The following PLIN2 variants were observed in gnomAD, a reference collection of about 807,000 sequenced individuals.
PLIN2 encodes perilipin 2, also known as perilipin-2.
In PLIN2, 33 loss-of-function variants were observed where a neutral mutation model predicts 30.6. That is an observed-to-expected ratio of 1.08 (90% CI 0.82 to 1.44). PLIN2 has a LOEUF of 1.44. Among genes scored for constraint, PLIN2 ranks in the 40% most tolerant of loss-of-function variants. The pLI, the probability that PLIN2 is intolerant of heterozygous loss-of-function variation, is 0.00. For synonymous variants in PLIN2, 205 were observed against 201.1 expected, an observed-to-expected ratio of 1.02 and a Z score of -0.16; for missense variants, 610 against 531.8, an observed-to-expected ratio of 1.15 and a Z score of -1.45.
downstream of PLIN2, among the ~76,000 whole-genome samples, chr9:19,112,705 CAA>C (rs34857189): frequency 1.1e-3 from 77 of 68,586 alleles, no homozygotes; most frequent in African/African-American, 1.8e-3. Context: ...GAGCCCATCT[CAA>C]AAAAAAAAAA....
chr9:19,126,278 A>C lies in PLIN2; in HGVS notation c.62T>G (p.Leu21Trp). 1.9e-6 allele frequency: 3 copies of C among 1,614,128 alleles called. No homozygotes were observed. Among genetic ancestry groups the C allele is most frequent in the Middle Eastern group, 1.6e-4 (1 of 6,062 alleles). ...SVVTRVVNLP[L>W]VSSTYDLMSS... ...CATGAGGTCATACGTGGAGCTCACC[A>C]AGGGCAGGTTGACCACCCGAGTCAC... Residue 21 changes from leucine to tryptophan, a missense_variant, in exon 3 of 8, where the codon TTG (leucine) becomes TGG (tryptophan). Transcript: ENST00000276914.
Position 19,126,459 on chromosome 9 carries a change from G to C in PLIN2, c.-22-11C>G. 6.4e-7 allele frequency: 1 copy of C among 1,555,948 alleles called. No homozygotes were observed. Among genetic ancestry groups the C allele is most frequent in the Non-Finnish European group, 8.9e-7 (1 of 1,128,622 alleles). ...CCTGGAGAAAGAAATCTGCAGAAAA[G>C]AGACTTATTTCAGAACACCGGGATA... On this transcript the variant is annotated splice_polypyrimidine_tract_variant and intron_variant, in intron 1 of 7. Transcript: ENST00000276914.
chr9:19,118,134 T>C (rs1200983300), intron 7 of PLIN2, among the ~76,000 whole-genome samples, 187 bp downstream of exon 7: 1 of 152,198 alleles, frequency 6.6e-6, no homozygotes, highest in African/African-American at 2.4e-5. Context: ...TACTCATAGG[T>C]TGTTAGATAA....
Position 19,120,223 on chromosome 9 carries a change from T to C in PLIN2, c.596-392A>G, listed in dbSNP as rs1254905568. ...CTAGGAACAAGCCACCATGCCCAGC[T>C]AATTTTTGTGTTTTTTAGGGTTTCG... is the stretch of plus-strand genomic sequence containing the variant. On this transcript the variant is annotated intron_variant, in intron 5 of 7. Transcript: ENST00000276914. Among the ~76,000 whole-genome samples the C allele has an allele frequency of 3.3e-5, 5 of 152,156 alleles. No homozygotes were observed. The East Asian group carries it at 5.8e-4, about 18-fold the overall frequency.
In PLIN2 at chr9:19,120,916, C is replaced by G. The variant is rs767614779; in HGVS notation, c.559G>C (p.Val187Leu). 1 of 1,613,994 alleles carries G rather than the reference C, an allele frequency of 6.2e-7. No homozygotes were observed. The highest frequency in any genetic ancestry group is 8.5e-7 in the Non-Finnish European group (1 of 1,179,946). ...TCAGTGAGAGGGAGGTACTGTTCTA[C>G]CAACAGCTCTGATTTGGTGAGTGCA... The part of the protein sequence containing the change: ...ENALTKSELL[V>L]EQYLPLTEEE... Residue 187 changes from valine (V) to leucine (L), a missense_variant, in exon 5 of 8, where the codon GTA becomes CTA. Physicochemically the swap from Val to Leu is conservative, Grantham distance 32. Coordinates refer to ENST00000276914, the MANE Select transcript of PLIN2 (RefSeq NM_001122.4).
rs1818394887 is a variant in PLIN2, at chr9:19,126,203, A to G, written c.137T>C (p.Val46Ala). 2 of 1,614,130 alleles carry G rather than the reference A, an allele frequency of 1.2e-6. No homozygotes were observed. The highest frequency in any genetic ancestry group is 4.5e-5 in the East Asian group (2 of 44,880). The change falls in exon 3 of 8, where the codon GTG (valine) becomes GCG (alanine). Residue 46 changes from valine (V) to alanine (A), a missense_variant. By Grantham distance (64) the Val-to-Ala change is moderately conservative. Transcript: ENST00000276914. ...TKDQYPYLKS[V>A]CEMAENGVKT... ...CACACCGTTCTCTGCCATCTCACAC[A>G]CAGACTTCAGGTAGGGATACTGGTC...
chr9:19,115,566 C>G (rs1439976591), downstream of PLIN2, among the ~76,000 whole-genome samples: 1 of 152,136 alleles, frequency 6.6e-6, no homozygotes, highest in African/African-American at 2.4e-5. Context: ...CTCAGCCTCC[C>G]AAAGTGCTGG....
Position 19,126,282 on chromosome 9 carries a change from G to A in PLIN2, c.58C>T (p.Pro20Ser), listed in dbSNP as rs1437955751. 1.2e-6 allele frequency: 2 copies of A among 1,613,936 alleles called. No homozygotes were observed. Among genetic ancestry groups the A allele is most frequent in the East Asian group, 2.2e-5 (1 of 44,880 alleles). ...AGGTCATACGTGGAGCTCACCAAGGGCAGGTTGACCACCCGAGTCACCACA... is the reference window on the plus strand; with the variant it reads ...AGGTCATACGTGGAGCTCACCAAGGACAGGTTGACCACCCGAGTCACCACA... ...PSVVTRVVNL[P>S]LVSSTYDLMS... Residue 20 changes from proline (P) to serine (S), a missense_variant, in exon 3 of 8, where the codon CCC (proline) becomes TCC (serine). Transcript: ENST00000276914.
At chr9:19,112,585 A>G (rs949398255), downstream of PLIN2, among the ~76,000 whole-genome samples, 4 of 151,578 alleles carry the variant, frequency 2.6e-5, no homozygotes, top group African/African-American at 9.7e-5. Context: ...GTGCATGCCT[A>G]TGGTCCCAGA....
intron 4 of PLIN2, 73 bp from the exon 5 acceptor site, chr9:19,121,238 A>T: frequency 7.5e-7 from 1 of 1,329,128 alleles, no homozygotes; most frequent in African/African-American, 1.4e-5. Flanking sequence ...GTCTTAACTA[A>T]GGCAGCACAG....
At chr9:19,123,313 A>G (rs1044935179) in intron 4 of PLIN2, 1 of 1,527,466 alleles carries the variant, frequency 6.5e-7, no homozygotes, top group East Asian at 2.5e-5. Context: ...TTATAGGAGC[A>G]AAGACACAAA....
In PLIN2 at chr9:19,121,085, C is replaced by A. The variant is rs1261341453; in HGVS notation, c.390G>T (p.Val130=). 2 of 1,614,200 alleles carry A rather than the reference C, an allele frequency of 1.2e-6. No homozygotes were observed. Among genetic ancestry groups the A allele is most frequent in the East Asian group, 2.2e-5 (1 of 44,882 alleles). The change falls in exon 5 of 8, where the codon GTG becomes GTT. Residue 130 remains valine, a synonymous_variant. Coordinates refer to ENST00000276914, the MANE Select transcript of PLIN2 (RefSeq NM_001122.4). The part of the protein sequence containing the change: ...TTTVTGAKDS[V]ASTITGVMDK... ...CCATCACCCCTGTGATCGTGCTGGC[C>A]ACAGAATCCTTGGCCCCAGTCACAG... is the stretch of plus-strand genomic sequence containing the variant.
intron 5 of PLIN2, 80 bp from the exon 6 acceptor site, chr9:19,119,911 T>C (rs1818287264): frequency 1.1e-6 from 1 of 901,026 alleles, no homozygotes; most frequent in Admixed American, 2.4e-5. Context: ...ACCTGGGTCT[T>C]GACTTTCTTA....
chr9:19,123,444 A>C (rs1818349479), intron 4 of PLIN2, 121 bp downstream of exon 4: 9 of 1,561,926 alleles, frequency 5.8e-6, no homozygotes, highest in Non-Finnish European at 7.8e-6. Context: ...TCAAACATAC[A>C]TCCAGATCCA....
At chr9:19,115,229 A>G (rs1219607136), downstream of PLIN2, among the ~76,000 whole-genome samples, 1 of 152,104 alleles carries the variant, frequency 6.6e-6, no homozygotes, top group Non-Finnish European at 1.5e-5. Context: ...GAATATGCAC[A>G]TTAGCTTTTA....
intron 5 of PLIN2, 68 bp downstream of exon 5, chr9:19,120,812 A>G (rs1818302065): frequency 2.4e-6 from 3 of 1,226,854 alleles, no homozygotes; most frequent in African/African-American, 3.0e-5. Flanking sequence ...AGATGAGAGT[A>G]TATGTCAATG....
At chr9:19,117,624 T>TC (rs904405126) in intron 7 of PLIN2, among the ~76,000 whole-genome samples, 2 of 150,832 alleles carry the variant, frequency 1.3e-5, no homozygotes, top group Non-Finnish European at 1.5e-5. Flanking sequence ...ATGTTTTCTT[T>TC]TTTTTTTTTT....
intron 1 of PLIN2, 119 bp from the exon 2 acceptor site, chr9:19,126,567 T>C (rs3824369): frequency 0.45 from 301,185 of 664,170 alleles, 69,836 homozygotes; most frequent in Non-Finnish European, 0.48. Flanking sequence ...CCTGTAGTCT[T>C]CTGCACTTCT....
intron 3 of PLIN2, among the ~76,000 whole-genome samples, 196 bp from the exon 4 acceptor site, chr9:19,123,843 AC>A (rs1307514813): frequency 1.1e-4 from 16 of 151,834 alleles, no homozygotes; most frequent in Non-Finnish European, 1.9e-4. Flanking sequence ...ACATGGTGAA[AC>A]CCCGTCTCTA....
Sources: gnomAD v4.1 joint callset for allele counts (sites outside exome capture counted in the v4.1 genomes callset) on GRCh38, gnomAD v4.1.1 for gene constraint, MANE v1.5 for transcripts, NCBI Gene and HGNC (gene_info 2026-07-23, HGNC 2026-07-21) for gene names.